Variants in CNTNAP2 observed in about 807,000 individuals in gnomAD.
CNTNAP2 encodes the protein contactin-associated protein-like 2.
Under a neutral mutation model 155.2 loss-of-function variants are expected in CNTNAP2, and 98 were observed. The ratio of observed to expected loss-of-function variants is 0.63; its 90% CI spans 0.54 to 0.75. CNTNAP2 has a LOEUF of 0.75. Ranked by LOEUF, CNTNAP2 falls within the 30% of genes least tolerant of loss-of-function variation. CNTNAP2 has a pLI of 0.00. For missense variants in CNTNAP2, 1,727 were observed against 1,688.1 expected, an observed-to-expected ratio of 1.02 and a Z score of -0.40; for synonymous variants, 651 against 631.2, an observed-to-expected ratio of 1.03 and a Z score of -0.47.
intron 1 of CNTNAP2, among the ~76,000 whole-genome samples, chr7:146,632,357 A>G (rs1313876199): frequency 6.6e-6 from 1 of 152,214 alleles, no homozygotes; most frequent in Non-Finnish European, 1.5e-5. Flanking sequence ...TTAAAACTAT[A>G]TGAGCAACAT....
At chr7:147,858,934 G>C (rs1318381318) in intron 13 of CNTNAP2, among the ~76,000 whole-genome samples, 1 of 152,096 alleles carries the variant, frequency 6.6e-6, no homozygotes, top group Admixed American at 6.6e-5. Context: ...CCCAGTTTAT[G>C]GTAATTTGTT....
At chr7:147,663,573 T>C (rs1363449393) in intron 13 of CNTNAP2, among the ~76,000 whole-genome samples, 1 of 152,240 alleles carries the variant, frequency 6.6e-6, no homozygotes. Context: ...CATGGACATC[T>C]TACTTGCTAA....
At chr7:146,482,482 T>C (rs972994812) in intron 1 of CNTNAP2, among the ~76,000 whole-genome samples, 1 of 151,786 alleles carries the variant, frequency 6.6e-6, no homozygotes, top group Admixed American at 6.6e-5. Flanking sequence ...CAGTGGCTCA[T>C]GCCTGTAATC....
chr7:146,636,405 G>A (rs576777832), intron 1 of CNTNAP2, among the ~76,000 whole-genome samples: 1 of 152,090 alleles, frequency 6.6e-6, no homozygotes, highest in South Asian at 2.1e-4. Flanking sequence ...AATTCAGGAG[G>A]TGTTACTAGA....
chr7:146,736,883 T>C (rs1801629380), intron 1 of CNTNAP2, among the ~76,000 whole-genome samples: 1 of 152,136 alleles, frequency 6.6e-6, no homozygotes, highest in Admixed American at 6.5e-5. Context: ...TTAATGACTT[T>C]AGGAAATATC....
At chr7:147,330,211 A>G (rs143401735) in intron 9 of CNTNAP2, among the ~76,000 whole-genome samples, 1 of 152,238 alleles carries the variant, frequency 6.6e-6, no homozygotes, top group African/African-American at 2.4e-5. Flanking sequence ...CCTGAATGAC[A>G]AGAGTTGATA....
chr7:146,271,190 A>G (rs1419788413), intron 1 of CNTNAP2, among the ~76,000 whole-genome samples: 3 of 152,106 alleles, frequency 2.0e-5, no homozygotes, highest in African/African-American at 7.2e-5. Flanking sequence ...TAAAAATCGT[A>G]TTTAGTCATC....
intron 1 of CNTNAP2, among the ~76,000 whole-genome samples, chr7:146,272,770 T>A (rs1800102722): frequency 6.6e-6 from 1 of 152,104 alleles, no homozygotes; most frequent in Non-Finnish European, 1.5e-5. Context: ...GACAAAGGCA[T>A]TGATTGTAAA....
intron 1 of CNTNAP2, among the ~76,000 whole-genome samples, chr7:146,739,795 T>C (rs1352002774): frequency 6.6e-6 from 1 of 152,114 alleles, no homozygotes; most frequent in Non-Finnish European, 1.5e-5. Context: ...AGTATATTAA[T>C]ACTTGGTTTG....
chr7:146,151,501 C>T (rs564879989), intron 1 of CNTNAP2, among the ~76,000 whole-genome samples: 1 of 149,690 alleles, frequency 6.7e-6, no homozygotes, highest in East Asian at 2.0e-4. Context: ...TTTTGTCTTC[C>T]TGTGCCTGGA....
intron 10 of CNTNAP2, among the ~76,000 whole-genome samples, chr7:147,423,832 A>G (rs758124338): frequency 3.9e-5 from 6 of 152,162 alleles, no homozygotes; most frequent in South Asian, 2.1e-4. Flanking sequence ...AGTTACATCT[A>G]TGTCTTGTTC....
intron 1 of CNTNAP2, among the ~76,000 whole-genome samples, chr7:146,435,366 C>A (rs562865411): frequency 6.6e-6 from 1 of 152,264 alleles, no homozygotes; most frequent in East Asian, 1.9e-4. Context: ...TGCTTTTAGA[C>A]CCTGCTAAAA....
chr7:146,529,824 G>T (rs1797742628), intron 1 of CNTNAP2, among the ~76,000 whole-genome samples: 1 of 152,026 alleles, frequency 6.6e-6, no homozygotes, highest in African/African-American at 2.4e-5. Flanking sequence ...AACTAGCTGG[G>T]CATAGTAGCA....
chr7:146,735,545 ACT>A (rs1207739530), intron 1 of CNTNAP2, among the ~76,000 whole-genome samples: 1 of 151,934 alleles, frequency 6.6e-6, no homozygotes, highest in African/African-American at 2.4e-5. Context: ...ACAGAGCAAG[ACT>A]CTGTCTCAAA....
chr7:146,381,050 G>T (rs1036720607), intron 1 of CNTNAP2, among the ~76,000 whole-genome samples: 1 of 151,278 alleles, frequency 6.6e-6, no homozygotes, highest in Non-Finnish European at 1.5e-5. Flanking sequence ...CGCCCGCCTC[G>T]GCCTCCCAAA....
At chr7:148,064,672 G>T (rs1803220221) in intron 15 of CNTNAP2, among the ~76,000 whole-genome samples, 1 of 112,142 alleles carries the variant, frequency 8.9e-6, no homozygotes. Context: ...TTTTATAATA[G>T]CTGTTAAAAA....
intron 3 of CNTNAP2, among the ~76,000 whole-genome samples, chr7:146,957,164 A>G (rs1024683669): frequency 9.9e-5 from 15 of 152,130 alleles, no homozygotes; most frequent in African/African-American, 3.6e-4. Flanking sequence ...GGTATATCCT[A>G]TTTTTCCTAG....
At chr7:146,235,917 C>A (rs760428780) in intron 1 of CNTNAP2, among the ~76,000 whole-genome samples, 24 of 151,554 alleles carry the variant, frequency 1.6e-4, no homozygotes, top group Non-Finnish European at 2.7e-4. Flanking sequence ...TATTAATTAC[C>A]CATCAATATT....
chr7:146,805,635 T>A (rs1585098852), intron 2 of CNTNAP2, among the ~76,000 whole-genome samples: 1 of 152,114 alleles, frequency 6.6e-6, no homozygotes, highest in East Asian at 1.9e-4. Flanking sequence ...AGTCTACCAC[T>A]CTCTACTCCA....
Sources: allele counts gnomAD v4.1 joint callset (sites outside exome capture counted in the v4.1 genomes callset), GRCh38; gene constraint gnomAD v4.1.1; transcripts MANE v1.5; gene names NCBI Gene and HGNC (gene_info 2026-07-23, HGNC 2026-07-21).